ZNF638: variants seen among roughly 807,000 people sequenced by gnomAD.
ZNF638 encodes CTCL tumor antigen se33-1.
A neutral mutation model predicts 195.6 loss-of-function variants in ZNF638; 46 were observed. The observed-to-expected ratio is 0.24, with a 90% CI of 0.19 to 0.30. The LOEUF is 0.30. ZNF638 is among the 10% of genes least tolerant of loss of function. The pLI, the probability that ZNF638 is intolerant of heterozygous loss-of-function variation, is 1.00. For synonymous variants in ZNF638, 845 were observed against 772.0 expected (o/e 1.09, Z -1.57); for missense variants, 2,440 against 2,325.3 (o/e 1.05, Z -1.01).
In ZNF638 at chr2:71,388,560, T is replaced by C. The variant is rs1055964851; in HGVS notation, c.2378-7581T>C. 9.4e-6 allele frequency: 7 copies of C among 744,866 alleles called. No individual in the cohort carries two copies. The Admixed American group carries it at 9.5e-5, about 10-fold the overall frequency. 46.1% of individuals were successfully genotyped at this position (744,866 alleles called of 1,614,324 possible). On this transcript the variant is annotated intron_variant, in intron 10 of 27. Transcript: ENST00000264447. ...TCGGCGTCTCTAAGGCCGAGCAGTT[T>C]CCTAGCTGCGCTCACGCAAAATACC... is the stretch of plus-strand genomic sequence containing the variant.
chr2:71,373,468 G>A (rs1163242470), intron 8 of ZNF638, among the ~76,000 whole-genome samples: 3 of 114,306 alleles, frequency 2.6e-5, no homozygotes, highest in Non-Finnish European at 5.2e-5. Context: ...TTTTTTTGGC[G>A]GAGCCTCTCT....
chr2:71,335,130 G>T (rs910354417), intron 1 of ZNF638, among the ~76,000 whole-genome samples: 1 of 152,112 alleles, frequency 6.6e-6, no homozygotes, highest in Admixed American at 6.5e-5. Context: ...TCTACCTCCT[G>T]GGTGCAAGCG....
At chr2:71,383,560 G>GTTTGTTTTTTTT (rs2079571507) in intron 10 of ZNF638, among the ~76,000 whole-genome samples, 1 of 122,120 alleles carries the variant, frequency 8.2e-6, no homozygotes, top group Non-Finnish European at 1.6e-5. Context: ...TTCCTGGGTG[G>GTTTGTTTTTTTT]TTTTTTTTTT....
chr2:71,352,977 A>G (rs1054051772), intron 2 of ZNF638, among the ~76,000 whole-genome samples: 2 of 152,230 alleles, frequency 1.3e-5, no homozygotes, highest in Non-Finnish European at 2.9e-5. Flanking sequence ...CATCTAAGTA[A>G]TGAATTTTTC....
chr2:71,386,358 T>C (rs1489218626), intron 10 of ZNF638, among the ~76,000 whole-genome samples: 1 of 150,866 alleles, frequency 6.6e-6, no homozygotes, highest in Non-Finnish European at 1.5e-5. Flanking sequence ...ATATATACTT[T>C]TATTTATGCA....
rs2080551839 is a variant in ZNF638 at position 71,426,946 on chromosome 2, C to A, written c.5077C>A (p.Pro1693Thr). 6.2e-7 allele frequency: 1 copy of A among 1,613,616 alleles called. No homozygotes were observed. Among genetic ancestry groups the A allele is most frequent in the African/African-American group, 1.3e-5 (1 of 74,898 alleles). ...TGAAATTGGAGAAGTGGAAGAGCTA[C>A]CTTTGAATGAGTCAGCAGACATAAC... ...VDEIGEVEEL[P>T]LNESADITFA... The change falls in exon 24 of 28, where the codon CCT becomes ACT. Residue 1693 changes from proline to threonine, a missense_variant. Pro to Thr is a conservative substitution (Grantham distance 38). This residue lies in a region of ZNF638 where 1,883 missense variants were observed against 1,739.1 expected (regional missense o/e 1.08). Transcript: ENST00000264447.
intron 20 of ZNF638, among the ~76,000 whole-genome samples, chr2:71,410,983 T>TCCCCC (rs34472889): frequency 2.1e-5 from 1 of 48,172 alleles, no homozygotes; most frequent in Non-Finnish European, 3.4e-5. Flanking sequence ...ACCCACCACC[T>TCCCCC]CCCCCCCCCT....
rs1443463106 is a variant in ZNF638 at position 71,426,536 on chromosome 2, C to T, written c.4667C>T (p.Ala1556Val). 6.2e-7 allele frequency: 1 copy of T among 1,613,708 alleles called. No individual in the cohort carries two copies. The highest frequency in any genetic ancestry group is 8.5e-7 in the Non-Finnish European group (1 of 1,179,924). ...ATAGAAGAAGTGAATCCTTCTCAGG[C>T]CAAGCAGAATCCACTAAAGGGAAAA... ...EVIEEVNPSQ[A>V]KQNPLKGKRK... The change falls in exon 24 of 28, where the codon GCC (alanine) becomes GTC (valine). Residue 1556 changes from alanine to valine, a missense_variant. Ala to Val is a moderately conservative substitution (Grantham distance 64). Around this residue, in one of 5 missense-constraint regions of ZNF638, gnomAD observed 1,883 missense variants for 1,739.1 expected, o/e 1.08. Transcript: ENST00000264447.
intron 24 of ZNF638, among the ~76,000 whole-genome samples, chr2:71,428,134 G>A (rs1052755333): frequency 6.6e-5 from 10 of 152,252 alleles, no homozygotes; most frequent in African/African-American, 2.2e-4. Context: ...CGAGGTTGTG[G>A]TGAGCAATGG....
In ZNF638 at chr2:71,426,936, G is replaced by A. The variant is rs775339193; in HGVS notation, c.5067G>A (p.Val1689=). The A allele has an allele frequency of 5.0e-6, 8 of 1,613,808 alleles. No individual in the cohort carries two copies. Among genetic ancestry groups the A allele is most frequent in the Non-Finnish European group, 6.8e-6 (8 of 1,179,928 alleles). The change falls in exon 24 of 28, where the codon GTG becomes GTA. Residue 1689 remains valine, a synonymous_variant. Transcript: ENST00000264447. ...RLVTVDEIGE[V]EELPLNESAD... ...TAACTGTGGATGAAATTGGAGAAGT[G>A]GAAGAGCTACCTTTGAATGAGTCAG...
intron 20 of ZNF638, among the ~76,000 whole-genome samples, chr2:71,410,692 G>C (rs569091311): frequency 3.1e-4 from 47 of 152,228 alleles, no homozygotes; most frequent in African/African-American, 1.1e-3. Flanking sequence ...GAGATAAAAA[G>C]AGAATGATTA....
intron 10 of ZNF638, among the ~76,000 whole-genome samples, chr2:71,381,742 T>G (rs1477408550): frequency 6.6e-6 from 1 of 152,130 alleles, no homozygotes; most frequent in Non-Finnish European, 1.5e-5. Context: ...CAGAACACAT[T>G]TTATGAAATC....
chr2:71,392,593 C>T (rs1340596676), intron 10 of ZNF638, among the ~76,000 whole-genome samples: 1 of 152,162 alleles, frequency 6.6e-6, no homozygotes. Context: ...TATTCGAGCA[C>T]ACAGCTCACT....
At chr2:71,390,849 C>T (rs1020145931) in intron 10 of ZNF638, among the ~76,000 whole-genome samples, 1 of 151,350 alleles carries the variant, frequency 6.6e-6, no homozygotes, top group Non-Finnish European at 1.5e-5. Flanking sequence ...CACCCCCTAA[C>T]GTTGTGATTT....
intron 1 of ZNF638, among the ~76,000 whole-genome samples, chr2:71,347,893 G>A (rs1477268048): frequency 6.6e-6 from 1 of 152,188 alleles, no homozygotes; most frequent in Non-Finnish European, 1.5e-5. Context: ...ACTTTTCTTT[G>A]TAAGTTACTT....
Position 71,408,209 on chromosome 2 carries a change from T to G in ZNF638, c.3223T>G (p.Leu1075Val). Residue 1075 changes from leucine to valine, a missense_variant, in exon 20 of 28, where the codon TTG (leucine) becomes GTG (valine). Leu to Val is a conservative substitution (Grantham distance 32). Around this residue, in one of 5 missense-constraint regions of ZNF638, gnomAD observed 1,883 missense variants for 1,739.1 expected, o/e 1.08. Coordinates refer to ENST00000264447, the MANE Select transcript of ZNF638 (RefSeq NM_014497.5). ...TCCACAAAATATTGGTGACCATATGTTGACCTGCTCATTATCTCCAAAGAT... is the reference window on the plus strand; with the variant it reads ...TCCACAAAATATTGGTGACCATATGGTGACCTGCTCATTATCTCCAAAGAT... ...QNPQNIGDHM[L>V]TCSLSPKIDL... The G allele has an allele frequency of 6.2e-7, 1 of 1,613,286 alleles. No individual in the cohort carries two copies. The highest frequency in any genetic ancestry group is 8.5e-7 in the Non-Finnish European group (1 of 1,179,552).
chr2:71,371,241 G>A (rs1345331124), intron 8 of ZNF638, among the ~76,000 whole-genome samples: 1 of 152,058 alleles, frequency 6.6e-6, no homozygotes, highest in Non-Finnish European at 1.5e-5. Flanking sequence ...ATCTATTCAT[G>A]TGTTGATGGA....
chr2:71,405,084 T>TA (rs1558872552), intron 17 of ZNF638, among the ~76,000 whole-genome samples: 2 of 151,876 alleles, frequency 1.3e-5, no homozygotes, highest in Non-Finnish European at 2.9e-5. Context: ...CTCAGTCTTA[T>TA]AAAGTCCAAG....
chr2:71,406,311 A>G, intron 19 of ZNF638, 49 bp downstream of exon 19: 1 of 1,547,810 alleles, frequency 6.5e-7, no homozygotes, highest in South Asian at 1.1e-5. Flanking sequence ...AAGAATGTAT[A>G]ATAACCCTGT....
Sources: allele counts gnomAD v4.1 joint callset (sites outside exome capture counted in the v4.1 genomes callset), GRCh38; gene constraint gnomAD v4.1.1; regional missense constraint gnomAD v4.1.1; transcripts MANE v1.5; gene names NCBI Gene and HGNC (gene_info 2026-07-23, HGNC 2026-07-21).